Variants in FAM53A observed in about 807,000 individuals in gnomAD.
The protein encoded by FAM53A is protein FAM53A.
Under a neutral mutation model 26.6 loss-of-function variants are expected in FAM53A, and 28 were observed. The observed-to-expected ratio is 1.05, with a 90% CI of 0.78 to 1.45. The LOEUF is 1.45. Among genes scored for constraint, FAM53A ranks in the 40% most tolerant of loss-of-function variants. The pLI, the probability that FAM53A is intolerant of heterozygous loss-of-function variation, is 0.00. For missense variants in FAM53A, 650 were observed against 575.8 expected, an observed-to-expected ratio of 1.13 and a Z score of -1.32; for synonymous variants, 290 against 253.1, an observed-to-expected ratio of 1.15 and a Z score of -1.38.
At chr4:1,680,313 C>A in intron 1 of FAM53A, among the ~76,000 whole-genome samples, 1 of 97,610 alleles carries the variant, frequency 1.0e-5, no homozygotes, top group Non-Finnish European at 2.0e-5. Flanking sequence ...GAGTGAAACT[C>A]CGTCTCAAAA....
intron 4 of FAM53A, among the ~76,000 whole-genome samples, chr4:1,650,417 T>G (rs1712673622): frequency 6.6e-6 from 1 of 151,418 alleles, no homozygotes; most frequent in Non-Finnish European, 1.5e-5. Flanking sequence ...TGTTTGACTG[T>G]GAGGTGGCAC....
At chr4:1,586,548 G>A in the FAM53A span, among the ~76,000 whole-genome samples, 2 of 151,844 alleles carry the variant, frequency 1.3e-5, no homozygotes, top group Admixed American at 1.3e-4. Flanking sequence ...GTCCGAGGCG[G>A]GCGGATCACG....
intron 4 of FAM53A, among the ~76,000 whole-genome samples, chr4:1,651,867 C>T (rs1712818810): frequency 6.6e-6 from 1 of 151,942 alleles, no homozygotes. Flanking sequence ...CGCGCAGCCC[C>T]AGTCCTAGGG....
chr4:1,614,130 G>C (rs540571125), downstream of FAM53A, among the ~76,000 whole-genome samples: 1 of 152,322 alleles, frequency 6.6e-6, no homozygotes, highest in Admixed American at 6.5e-5. Flanking sequence ...GCAGACACTG[G>C]AGGGGCATAG....
upstream of FAM53A, among the ~76,000 whole-genome samples, chr4:1,685,510 G>C (rs537587111): frequency 6.6e-6 from 1 of 152,232 alleles, no homozygotes; most frequent in South Asian, 2.1e-4. Context: ...AGCACCCCTG[G>C]GGCTGGATGC....
intron 2 of FAM53A, among the ~76,000 whole-genome samples, chr4:1,663,184 T>G (rs1227605442): frequency 6.6e-6 from 1 of 152,186 alleles, no homozygotes; most frequent in Non-Finnish European, 1.5e-5. Context: ...AGAGCCAGAC[T>G]CTGCCTCAAG....
the FAM53A span, among the ~76,000 whole-genome samples, chr4:1,579,369 C>G: frequency 2.0e-5 from 3 of 151,930 alleles, no homozygotes; most frequent in African/African-American, 7.2e-5. Context: ...CTCGGGCCCC[C>G]ACGGTCTACT....
At chr4:1,605,661 G>C in the FAM53A span, among the ~76,000 whole-genome samples, 2 of 152,230 alleles carry the variant, frequency 1.3e-5, no homozygotes, top group Middle Eastern at 6.8e-3. The surrounding 1 kb of genome is among the most constrained non-coding windows in gnomAD (Gnocchi z 5.7). Flanking sequence ...AGAGACCCAG[G>C]GCTCCCTGCC....
chr4:1,601,234 G>GGGGGAGATGGGAT, the FAM53A span, among the ~76,000 whole-genome samples: 6 of 119,822 alleles, frequency 5.0e-5, no homozygotes, highest in South Asian at 2.4e-4. Context: ...GCAACAGGTC[G>GGGGGAGATGGGAT]GACACCCACC....
chr4:1,614,410 G>C (rs1003379801), downstream of FAM53A, among the ~76,000 whole-genome samples: 96 of 136,902 alleles, frequency 7.0e-4, 1 homozygote, highest in Non-Finnish European at 2.0e-4. Context: ...GCAGAGACGT[G>C]AGGGGGATGC....
At chr4:1,582,498 G>A in the FAM53A span, among the ~76,000 whole-genome samples, 70 of 152,332 alleles carry the variant, frequency 4.6e-4, no homozygotes, top group African/African-American at 1.7e-3. Context: ...CCCAGGCTGG[G>A]AAGACCAGGA....
At chr4:1,647,622 C>T (rs1712360579) in intron 4 of FAM53A, among the ~76,000 whole-genome samples, 3 of 152,352 alleles carry the variant, frequency 2.0e-5, no homozygotes, top group African/African-American at 7.2e-5. Flanking sequence ...GGACGCCGGA[C>T]TAGAGCTGGG....
chr4:1,641,472 G>T lies in FAM53A; in HGVS notation c.1018C>A (p.Gln340Lys). 6.2e-7 allele frequency: 1 copy of T among 1,614,190 alleles called. No homozygotes were observed. The highest frequency in any genetic ancestry group is 1.3e-5 in the African/African-American group (1 of 75,070). Residue 340 changes from glutamine (Q) to lysine (K), a missense_variant, in exon 5 of 5, where the codon CAG becomes AAG. Physicochemically the swap from Gln to Lys is moderately conservative, Grantham distance 53 (BLOSUM62 1). Coordinates refer to ENST00000308132, the MANE Select transcript of FAM53A (RefSeq NM_001174070.3). ...LPGITMPGCSQRGLRTSPVHP... is the reference protein window; with the variant it reads ...LPGITMPGCSKRGLRTSPVHP... ...ACAGGGCTGGTCCTGAGGCCCCTCT[G>T]GCTGCAGCCAGGCATGGTGATGCCA...
intron 1 of FAM53A, among the ~76,000 whole-genome samples, chr4:1,633,914 T>A (rs1715723246): frequency 6.6e-6 from 1 of 152,144 alleles, no homozygotes; most frequent in Non-Finnish European, 1.5e-5. Context: ...GGGGTCTGGC[T>A]ACAGGACCTC....
downstream of FAM53A, among the ~76,000 whole-genome samples, chr4:1,637,187 G>A (rs1026060711): frequency 3.9e-5 from 6 of 152,020 alleles, no homozygotes; most frequent in East Asian, 3.9e-4. Context: ...ACCCATGCTC[G>A]GGTGGGGGGT....
chr4:1,621,315 G>A (rs925484350), intron 1 of FAM53A, among the ~76,000 whole-genome samples: 34 of 151,962 alleles, frequency 2.2e-4, no homozygotes, highest in East Asian at 1.4e-3. Context: ...CATGTTAGCC[G>A]GGATGGTCTC....
intron 1 of FAM53A, among the ~76,000 whole-genome samples, chr4:1,623,424 C>T (rs1715141003): frequency 6.6e-6 from 1 of 151,894 alleles, no homozygotes; most frequent in South Asian, 2.1e-4. Context: ...AGCTGTGAGG[C>T]TTGGCCACGG....
intron 1 of FAM53A, among the ~76,000 whole-genome samples, chr4:1,622,680 G>T (rs562895920): frequency 6.6e-6 from 1 of 152,224 alleles, no homozygotes; most frequent in Non-Finnish European, 1.5e-5. Context: ...TGGCTCGCTC[G>T]GGGAGGGAGG....
the FAM53A span, among the ~76,000 whole-genome samples, chr4:1,589,675 A>C: frequency 6.6e-6 from 1 of 152,124 alleles, no homozygotes; most frequent in Non-Finnish European, 1.5e-5. Flanking sequence ...TTTTACAGAA[A>C]TGTATTCGTT....
Sources: gnomAD v4.1 joint callset for allele counts (sites outside exome capture counted in the v4.1 genomes callset) on GRCh38, gnomAD v4.1.1 for gene constraint, Gnocchi (gnomAD v3.1) non-coding constraint, MANE v1.5 for transcripts, NCBI Gene and HGNC (gene_info 2026-07-23, HGNC 2026-07-21) for gene names.